Variants in MTMR14 observed in about 807,000 individuals in gnomAD.
MTMR14 encodes phosphatidylinositol-3,5-bisphosphate 3-phosphatase MTMR14.
A neutral mutation model predicts 86.3 loss-of-function variants in MTMR14; 48 were observed. The ratio of observed to expected loss-of-function variants is 0.56; its 90% CI spans 0.44 to 0.71. MTMR14 has a LOEUF of 0.71. MTMR14 is among the 30% of genes least tolerant of loss of function. The pLI is 0.00. For synonymous variants in MTMR14, 366 were observed against 326.1 expected (o/e 1.12, Z -1.32); for missense variants, 780 against 834.6 (o/e 0.93, Z 0.81).
chr3:9,657,961 A>G (rs954515387), intron 2 of MTMR14, among the ~76,000 whole-genome samples: 4 of 152,180 alleles, frequency 2.6e-5, no homozygotes, highest in Non-Finnish European at 5.9e-5. Flanking sequence ...CTGACTCTGT[A>G]CCTGTCTGCC....
chr3:9,681,167 CTGAATGAATGAATGAG>C (rs1051254691), intron 9 of MTMR14, among the ~76,000 whole-genome samples: 5 of 152,184 alleles, frequency 3.3e-5, no homozygotes, highest in Non-Finnish European at 7.3e-5. Flanking sequence ...GTGAGGCTTA[CTGAATGAATGAATGAG>C]TGAATGAATG....
At chr3:9,690,873 C>T (rs2076118664) in intron 17 of MTMR14, among the ~76,000 whole-genome samples, 1 of 152,086 alleles carries the variant, frequency 6.6e-6, no homozygotes, top group Non-Finnish European at 1.5e-5. Context: ...TTAGTGAATT[C>T]CAGGGAAAAA....
chr3:9,671,772 A>T (rs11718030), intron 6 of MTMR14, among the ~76,000 whole-genome samples: 1 of 152,164 alleles, frequency 6.6e-6, no homozygotes, highest in East Asian at 1.9e-4. Context: ...GTCAAAACTA[A>T]AAAATAGAGC....
intron 17 of MTMR14, among the ~76,000 whole-genome samples, chr3:9,694,884 G>A (rs150790507): frequency 6.6e-6 from 1 of 152,340 alleles, no homozygotes; most frequent in Non-Finnish European, 1.5e-5. Context: ...AGGGCCCTGA[G>A]CCGCATCCAA....
intron 1 of MTMR14, chr3:9,650,316 A>G (rs1284832389): frequency 2.2e-6 from 1 of 456,358 alleles, no homozygotes; most frequent in South Asian, 1.5e-5. Context: ...TCCCTTTGGG[A>G]TTTCCACCCA....
chr3:9,668,391 C>T (rs2048372599), intron 3 of MTMR14, among the ~76,000 whole-genome samples: 1 of 152,218 alleles, frequency 6.6e-6, no homozygotes, highest in Non-Finnish European at 1.5e-5. Flanking sequence ...CCCTCATGGG[C>T]TTGTTGTAAA....
At chr3:9,691,795 GTCC>G (rs1162233239) in intron 17 of MTMR14, among the ~76,000 whole-genome samples, 1 of 152,178 alleles carries the variant, frequency 6.6e-6, no homozygotes, top group Non-Finnish European at 1.5e-5. Flanking sequence ...AATTGGGGTT[GTCC>G]TCCTGACCTC....
At chr3:9,676,597 T>A (rs1451095383) in intron 7 of MTMR14, among the ~76,000 whole-genome samples, 1 of 152,236 alleles carries the variant, frequency 6.6e-6, no homozygotes, top group African/African-American at 2.4e-5. Flanking sequence ...AAATCAAGGC[T>A]TAGAGACATT....
At chr3:9,688,476 C>T (rs1286994592) in intron 14 of MTMR14, among the ~76,000 whole-genome samples, 1 of 152,240 alleles carries the variant, frequency 6.6e-6, no homozygotes, top group Non-Finnish European at 1.5e-5. Context: ...GGATGCAGAC[C>T]TTGCTGCCCT....
At chr3:9,652,300 G>A (rs2047347977) in intron 1 of MTMR14, among the ~76,000 whole-genome samples, 1 of 152,100 alleles carries the variant, frequency 6.6e-6, no homozygotes, top group Admixed American at 6.5e-5. Flanking sequence ...CAGTTCTTAT[G>A]CCTTTTTTCT....
chr3:9,652,675 T>C (rs1574915130), intron 1 of MTMR14, among the ~76,000 whole-genome samples: 1 of 147,282 alleles, frequency 6.8e-6, no homozygotes, highest in Non-Finnish European at 1.5e-5. Flanking sequence ...CTAGCCTGGG[T>C]GACAGAGCAA....
At chr3:9,659,124 A>G (rs2047774382) in intron 2 of MTMR14, among the ~76,000 whole-genome samples, 1 of 152,272 alleles carries the variant, frequency 6.6e-6, no homozygotes, top group Admixed American at 6.5e-5. Flanking sequence ...AGTCCCAGCT[A>G]CCTGGGAGTC....
At position 9,690,846 on chromosome 3, in the gene MTMR14, C is replaced by T. The variant is rs185442047; in HGVS notation, c.1613+703C>T. On this transcript the variant is annotated intron_variant, in intron 17 of 18. Coordinates refer to ENST00000296003, the MANE Select transcript of MTMR14 (RefSeq NM_001077525.3). ...AGCCTTTCTGGAGTGAATAAAGCAGCGTGGGACTTCAGGCCCTTAGTGAAT... is the reference window on the plus strand; with the variant it reads ...AGCCTTTCTGGAGTGAATAAAGCAGTGTGGGACTTCAGGCCCTTAGTGAAT... Among the ~76,000 whole-genome samples, 249 of 152,228 alleles carry T rather than the reference C, an allele frequency of 1.6e-3. 2 individuals carry two copies. Among genetic ancestry groups the T allele is most frequent in the African/African-American group, 5.8e-3 (239 of 41,550 alleles).
chr3:9,667,251 A>G (rs983811979), intron 3 of MTMR14, among the ~76,000 whole-genome samples: 6 of 152,154 alleles, frequency 3.9e-5, no homozygotes, highest in Non-Finnish European at 7.4e-5. Context: ...AGGCAGCCAC[A>G]CACCCTGCCA....
chr3:9,652,568 A>G (rs1006309923), intron 1 of MTMR14, among the ~76,000 whole-genome samples: 1 of 152,010 alleles, frequency 6.6e-6, no homozygotes, highest in African/African-American at 2.4e-5. Context: ...GCCTGGAAAC[A>G]TGAACCCCAT....
chr3:9,680,980 T>A (rs185028521), intron 9 of MTMR14, among the ~76,000 whole-genome samples: 7 of 152,360 alleles, frequency 4.6e-5, no homozygotes, highest in Admixed American at 6.5e-5. Flanking sequence ...TTCTCTGATG[T>A]CCCTACAGAT....
chr3:9,686,175 T>C (rs139060612), intron 13 of MTMR14, among the ~76,000 whole-genome samples: 116 of 152,342 alleles, frequency 7.6e-4, no homozygotes, highest in Middle Eastern at 3.4e-3. Flanking sequence ...TGAACACTTA[T>C]CGCGTCTGCC....
At chr3:9,681,855 C>T (rs1012652888) in intron 9 of MTMR14, among the ~76,000 whole-genome samples, 1 of 152,180 alleles carries the variant, frequency 6.6e-6, no homozygotes, top group Non-Finnish European at 1.5e-5. Context: ...GTGACCTTGG[C>T]CCTCTACCAG....
chr3:9,662,934 G>A (rs1202132056), intron 3 of MTMR14, among the ~76,000 whole-genome samples: 2 of 152,232 alleles, frequency 1.3e-5, no homozygotes, highest in Admixed American at 6.5e-5. Flanking sequence ...ATCTTTTGGT[G>A]TACGGGATGT....
Sources: allele counts gnomAD v4.1 joint callset (sites outside exome capture counted in the v4.1 genomes callset), GRCh38; gene constraint gnomAD v4.1.1; transcripts MANE v1.5; gene names NCBI Gene and HGNC (gene_info 2026-07-23, HGNC 2026-07-21).